PTPRD: variants seen among roughly 807,000 people sequenced by gnomAD.
PTPRD encodes receptor-type tyrosine-protein phosphatase delta.
PTPRD carries 34 observed loss-of-function variants against 214.5 expected under a neutral mutation model. The ratio of observed to expected loss-of-function variants is 0.16; its 90% confidence interval spans 0.12 to 0.21. The LOEUF is 0.21. Among genes scored for constraint, PTPRD ranks in the 10% least tolerant of loss-of-function variants. PTPRD has a pLI of 1.00. For synonymous variants in PTPRD, 1,128 were observed against 845.7 expected (o/e 1.33, Z -5.79); for missense variants, 2,545 against 2,398.7 (o/e 1.06, Z -1.27).
At chr9:9,301,910 A>G (rs1955462952) in intron 9 of PTPRD, among the ~76,000 whole-genome samples, 2 of 151,940 alleles carry the variant, frequency 1.3e-5, no homozygotes, top group African/African-American at 4.8e-5. Flanking sequence ...AACTATAATG[A>G]GAGCAGAAGC....
intron 7 of PTPRD, among the ~76,000 whole-genome samples, chr9:9,645,112 G>A (rs1017129265): frequency 6.6e-6 from 1 of 152,196 alleles, no homozygotes; most frequent in Non-Finnish European, 1.5e-5. Flanking sequence ...TGGGGCCAGA[G>A]CCCAAAAGCG....
chr9:9,559,596 G>C (rs1270051897), intron 8 of PTPRD, among the ~76,000 whole-genome samples: 1 of 152,214 alleles, frequency 6.6e-6, no homozygotes, highest in Non-Finnish European at 1.5e-5. Context: ...AACTCTGCAA[G>C]AGAATGAGAG....
At chr9:9,976,855 T>C (rs1227890797) in intron 4 of PTPRD, among the ~76,000 whole-genome samples, 1 of 151,956 alleles carries the variant, frequency 6.6e-6, no homozygotes, top group African/African-American at 2.4e-5. Context: ...TAATAACAAG[T>C]TAAATTTTTA....
At chr9:8,664,165 A>G (rs1235205308) in intron 12 of PTPRD, among the ~76,000 whole-genome samples, 2 of 152,330 alleles carry the variant, frequency 1.3e-5, no homozygotes, top group East Asian at 3.9e-4. Context: ...AAACTTGAAG[A>G]TATGCAAACG....
At chr9:10,036,708 C>G (rs2154137494) in intron 3 of PTPRD, among the ~76,000 whole-genome samples, 1 of 152,086 alleles carries the variant, frequency 6.6e-6, no homozygotes, top group East Asian at 1.9e-4. Context: ...CCTCAGCCTC[C>G]CAAGAAGCTG....
chr9:9,890,994 G>A (rs1331663519), intron 5 of PTPRD, among the ~76,000 whole-genome samples: 6 of 152,052 alleles, frequency 3.9e-5, no homozygotes, highest in South Asian at 2.1e-4. Context: ...AGAAAAACAT[G>A]CAAAATGGAA....
At chr9:8,814,855 G>A (rs1293843268) in intron 11 of PTPRD, among the ~76,000 whole-genome samples, 2 of 152,206 alleles carry the variant, frequency 1.3e-5, no homozygotes, top group East Asian at 3.8e-4. Context: ...TAAGAGGGGA[G>A]TACTTCCATG....
At chr9:8,928,985 C>T (rs1400682899) in intron 11 of PTPRD, among the ~76,000 whole-genome samples, 1 of 151,932 alleles carries the variant, frequency 6.6e-6, no homozygotes. Context: ...TGATTTGACT[C>T]TCTGTCTATT....
chr9:9,446,126 G>T (rs2090316526), intron 8 of PTPRD, among the ~76,000 whole-genome samples: 1 of 152,022 alleles, frequency 6.6e-6, no homozygotes, highest in Non-Finnish European at 1.5e-5. Context: ...ATTTGCACGT[G>T]GCACCTCCAA....
chr9:9,110,550 GT>G (rs1477989580), intron 10 of PTPRD, among the ~76,000 whole-genome samples: 2 of 152,092 alleles, frequency 1.3e-5, no homozygotes, highest in Non-Finnish European at 2.9e-5. Flanking sequence ...CAGTCCCACT[GT>G]TTTTACAAAA....
At position 9,738,166 on chromosome 9, in the gene PTPRD, C is replaced by T. The variant is rs540587689; in HGVS notation, c.-325-3595G>A. On this transcript the variant is annotated intron_variant, in intron 6 of 45. Transcript: ENST00000381196. ...TACCTAATGTTAAATGACGAGTTAA[C>T]GGGTGAGGCACACCAACGTGGCACA... Among the ~76,000 whole-genome samples, 18 of 152,064 alleles carry T rather than the reference C, an allele frequency of 1.2e-4. No individual in the cohort carries two copies. In the South Asian group the frequency reaches 1.5e-3, roughly 12 times the overall value.
chr9:9,564,884 GTTTTTTTTTTTTT>G (rs1191664969), intron 8 of PTPRD, among the ~76,000 whole-genome samples: 7 of 48,856 alleles, frequency 1.4e-4, no homozygotes, highest in South Asian at 1.1e-3. Context: ...TGAATCTTCT[GTTTTTTTTTTTTT>G]TTTTTTTTTT....
chr9:8,478,175 G>T (rs376811148), intron 30 of PTPRD, among the ~76,000 whole-genome samples: 3 of 152,178 alleles, frequency 2.0e-5, no homozygotes, highest in East Asian at 3.9e-4. Flanking sequence ...CAGGGTTATT[G>T]TGAGTCTTAA....
chr9:9,405,671 A>G (rs2073005178), intron 8 of PTPRD, among the ~76,000 whole-genome samples: 1 of 152,054 alleles, frequency 6.6e-6, no homozygotes, highest in African/African-American at 2.4e-5. Flanking sequence ...TAAAGCTGTG[A>G]ATAAAGCATG....
intron 3 of PTPRD, among the ~76,000 whole-genome samples, chr9:10,086,135 G>A (rs115914765): frequency 0.021 from 3,151 of 151,824 alleles, 120 homozygotes; most frequent in African/African-American, 0.071. Context: ...TTGGGGGCAC[G>A]TAATGAGGGC....
At chr9:10,608,988 C>T (rs1279059413) in intron 2 of PTPRD, among the ~76,000 whole-genome samples, 1 of 152,066 alleles carries the variant, frequency 6.6e-6, no homozygotes, top group Non-Finnish European at 1.5e-5. Context: ...AAGATAAGTT[C>T]AAATGGCATT....
intron 9 of PTPRD, among the ~76,000 whole-genome samples, chr9:9,324,818 G>GT (rs997877587): frequency 2.7e-4 from 41 of 152,144 alleles, no homozygotes; most frequent in African/African-American, 9.9e-4. Context: ...GGTTTTTATG[G>GT]TTTTAGGTCT....
intron 10 of PTPRD, among the ~76,000 whole-genome samples, chr9:9,115,025 C>A (rs1241809617): frequency 3.3e-5 from 5 of 152,074 alleles, no homozygotes; most frequent in African/African-American, 4.8e-5. Flanking sequence ...TATAAGGTAT[C>A]CAAACAAAGC....
intron 5 of PTPRD, among the ~76,000 whole-genome samples, chr9:9,853,433 C>G (rs1312560350): frequency 1.3e-5 from 2 of 152,200 alleles, no homozygotes; most frequent in East Asian, 3.8e-4. Flanking sequence ...CCTGATTTGA[C>G]TCACAGACAA....
Sources: allele counts gnomAD v4.1 joint callset (sites outside exome capture counted in the v4.1 genomes callset), GRCh38; gene constraint gnomAD v4.1.1; transcripts MANE v1.5; gene names NCBI Gene and HGNC (gene_info 2026-07-23, HGNC 2026-07-21).